Variants in FOXP4 observed in about 807,000 individuals in gnomAD.
The protein encoded by FOXP4 is forkhead box protein P4.
FOXP4 carries 25 observed loss-of-function variants against 82.6 expected under a neutral mutation model. The ratio of observed to expected loss-of-function variants is 0.30; its 90% confidence interval spans 0.22 to 0.42. The LOEUF is 0.42. Ranked by LOEUF, FOXP4 falls within the 10% of genes least tolerant of loss-of-function variation. The pLI, the probability that FOXP4 is intolerant of heterozygous loss-of-function variation, is 1.00. For synonymous variants in FOXP4, 415 were observed against 388.2 expected (o/e 1.07, Z -0.81); for missense variants, 785 against 900.9 (o/e 0.87, Z 1.65).
At chr6:41,563,587 C>T (rs1764710627) in intron 1 of FOXP4, among the ~76,000 whole-genome samples, 1 of 152,142 alleles carries the variant, frequency 6.6e-6, no homozygotes, top group Admixed American at 6.5e-5. Flanking sequence ...GCTTCTATCC[C>T]TCGATGATCT....
At chr6:41,565,275 G>A (rs543513165) in intron 1 of FOXP4, among the ~76,000 whole-genome samples, 2 of 152,254 alleles carry the variant, frequency 1.3e-5, no homozygotes, top group African/African-American at 2.4e-5. Context: ...TAGAAGAATC[G>A]CTCAAACTCG....
At chr6:41,570,163 C>T in intron 2 of FOXP4, 2 of 388,786 alleles carry the variant, frequency 5.1e-6, no homozygotes, top group Non-Finnish European at 5.3e-6. Flanking sequence ...GCCCATTTCT[C>T]TTCAGGACTG....
In FOXP4 at chr6:41,587,455, T is replaced by A. The variant is rs753448087; in HGVS notation, c.815T>A (p.Leu272His). 6.4e-7 allele frequency: 1 copy of A among 1,552,002 alleles called. No homozygotes were observed. The highest frequency in any genetic ancestry group is 8.7e-7 in the Non-Finnish European group (1 of 1,148,458). ...FAAPPKVSPP[L>H]SHHTLPNGQP... ...GCTCCCCCCAAGGTCTCACCCCCCCTCTCCCACCATACCCTGCCCAACGGA... is the reference window on the plus strand; with the variant it reads ...GCTCCCCCCAAGGTCTCACCCCCCCACTCCCACCATACCCTGCCCAACGGA... The change falls in exon 7 of 17, where the codon CTC (leucine) becomes CAC (histidine). Residue 272 changes from leucine (L) to histidine (H), a missense_variant. By Grantham distance (99) the Leu-to-His change is moderately conservative (BLOSUM62 -3). Around this residue, in one of 3 missense-constraint regions of FOXP4, gnomAD observed 570 missense variants for 634.0 expected, o/e 0.90. Coordinates refer to ENST00000307972, the MANE Select transcript of FOXP4 (RefSeq NM_001012426.2).
rs116088820 is a variant in FOXP4 at position 41,582,391 on chromosome 6, A to G, written c.301-2378A>G. Among the ~76,000 whole-genome samples the G allele has an allele frequency of 2.4e-3, 371 of 152,366 alleles. 2 individuals are homozygous for G. Among genetic ancestry groups the G allele is most frequent in the African/African-American group, 8.6e-3 (357 of 41,594 alleles). On this transcript the variant is annotated intron_variant, in intron 3 of 16. Transcript: ENST00000307972. ...AATAAGCAGTCAGCAACGTCTGCTA[A>G]TGATGCAGGGAGGGCAGGTGCCCCA...
intron 2 of FOXP4, chr6:41,570,094 A>ACACG (rs1765109574): frequency 3.4e-6 from 1 of 290,638 alleles, no homozygotes; most frequent in Non-Finnish European, 6.9e-6. Flanking sequence ...ACACACACAC[A>ACACG]CACACACACA....
intron 2 of FOXP4, among the ~76,000 whole-genome samples, chr6:41,568,465 T>C (rs1189542433): frequency 6.6e-6 from 1 of 152,222 alleles, no homozygotes; most frequent in Non-Finnish European, 1.5e-5. Flanking sequence ...ACACAGTCGC[T>C]GTGGGAAATG....
At chr6:41,590,198 G>C in intron 11 of FOXP4, 28 bp downstream of exon 11, 2 of 1,605,954 alleles carry the variant, frequency 1.2e-6, no homozygotes, top group Middle Eastern at 1.7e-4. Context: ...GCTGCAGGGC[G>C]ACAGCAGCGT....
intron 9 of FOXP4, among the ~76,000 whole-genome samples, chr6:41,589,448 G>GC (rs557929479): frequency 1.4e-4 from 22 of 152,150 alleles, no homozygotes; most frequent in Admixed American, 3.9e-4. Flanking sequence ...CACAGTGGCC[G>GC]CCCCCCCGTG....
chr6:41,556,325 G>GTTT (rs11314988), intron 1 of FOXP4, among the ~76,000 whole-genome samples: 1 of 136,926 alleles, frequency 7.3e-6, no homozygotes, highest in South Asian at 2.4e-4. Context: ...CTCTGTGAAT[G>GTTT]TTTTTTTTTT....
chr6:41,576,625 A>C (rs1416638593), intron 2 of FOXP4, among the ~76,000 whole-genome samples: 2 of 152,164 alleles, frequency 1.3e-5, no homozygotes, highest in Non-Finnish European at 2.9e-5. Flanking sequence ...GGAGGAGGTG[A>C]AGTGGAGAAT....
chr6:41,561,166 T>C (rs553532042), intron 1 of FOXP4, among the ~76,000 whole-genome samples: 1 of 152,208 alleles, frequency 6.6e-6, no homozygotes, highest in Non-Finnish European at 1.5e-5. Context: ...TCCGACGGCA[T>C]CTGCAGGAGC....
rs776411263 is a variant in FOXP4 at position 41,593,441 on chromosome 6, C to T, written c.1537-1429C>T. ...CCTCCCAAGGCCCGTGTTGTGGGCC[C>T]GTCCTTTTGTTTACGAAGCCCCTGC... On this transcript the variant is annotated intron_variant, in intron 13 of 16. Coordinates refer to ENST00000307972, the MANE Select transcript of FOXP4 (RefSeq NM_001012426.2). This position sits in a 1 kb window ranked among gnomAD's most constrained non-coding sequence, Gnocchi z 4.1. Among the ~76,000 whole-genome samples the T allele has an allele frequency of 1.3e-5, 2 of 152,172 alleles. No individual in the cohort carries two copies. The highest frequency in any genetic ancestry group is 2.4e-5 in the African/African-American group (1 of 41,442).
At chr6:41,566,874 CCA>C (rs960351033) in intron 2 of FOXP4, among the ~76,000 whole-genome samples, 4 of 152,178 alleles carry the variant, frequency 2.6e-5, no homozygotes, top group African/African-American at 9.7e-5. Context: ...GCTCAGTAGC[CCA>C]CTCCTGCCTC....
At chr6:41,578,212 G>A (rs1305887057) in intron 3 of FOXP4, 131 bp downstream of exon 3, 17 of 718,782 alleles carry the variant, frequency 2.4e-5, no homozygotes, top group Non-Finnish European at 3.9e-5. Flanking sequence ...CTTTTCAAAG[G>A]AAATACAGTC....
intron 1 of FOXP4, among the ~76,000 whole-genome samples, chr6:41,562,058 C>T (rs1475775085): frequency 6.6e-6 from 1 of 152,262 alleles, no homozygotes; most frequent in Non-Finnish European, 1.5e-5. Context: ...AGAGCCTGCT[C>T]ACCCACAGTG....
At chr6:41,569,743 G>T (rs554291653) in intron 2 of FOXP4, among the ~76,000 whole-genome samples, 1 of 152,180 alleles carries the variant, frequency 6.6e-6, no homozygotes, top group African/African-American at 2.4e-5. Flanking sequence ...GGTTGCGGGG[G>T]TGACAGGTCA....
chr6:41,565,969 G>A lies in FOXP4; in HGVS notation c.204+5G>A. On this transcript the variant is annotated splice_donor_5th_base_variant and intron_variant, in intron 2 of 16. Coordinates refer to ENST00000307972, the MANE Select transcript of FOXP4 (RefSeq NM_001012426.2). The stretch of plus-strand genomic sequence containing the variant: ...CTGCACTTCCAGCAGCAACAGGTAG[G>A]AACTGGTGCGCCTTGGGGTATCTGG... 2 of 1,611,468 alleles carry A rather than the reference G, an allele frequency of 1.2e-6. No homozygotes were observed. The highest frequency in any genetic ancestry group is 8.5e-7 in the Non-Finnish European group (1 of 1,178,702).
intron 3 of FOXP4, 27 bp downstream of exon 3, chr6:41,578,108 C>T (rs1046642754): frequency 7.5e-6 from 12 of 1,593,792 alleles, no homozygotes; most frequent in African/African-American, 5.4e-5. Flanking sequence ...CCCGCTGGCT[C>T]TGGGTTGGGC....
rs1767195199 is a variant in FOXP4 at position 41,601,064 on chromosome 6, G to A, written c.*2128G>A. ...ACACCCATTCCCAGGTGTCCTTCCAGGCCCATTGTCCACGTCTTCAAGGGG... is the reference window on the plus strand; with the variant it reads ...ACACCCATTCCCAGGTGTCCTTCCAAGCCCATTGTCCACGTCTTCAAGGGG... On this transcript the variant is annotated 3_prime_UTR_variant, in exon 17 of 17. Coordinates refer to ENST00000307972, the MANE Select transcript of FOXP4 (RefSeq NM_001012426.2). 6.6e-6 allele frequency: 1 copy of A among 152,314 alleles called. No individual in the cohort carries two copies. The highest frequency in any genetic ancestry group is 2.4e-5 in the African/African-American group (1 of 41,448). 9.4% of individuals were successfully genotyped at this position (152,314 alleles called of 1,614,324 possible). A position where few individuals can be genotyped will look rare whatever the true frequency, so the allele number is the denominator to read the frequency against.
Sources: gnomAD v4.1 joint callset for allele counts (sites outside exome capture counted in the v4.1 genomes callset) on GRCh38, gnomAD v4.1.1 for gene constraint, gnomAD v4.1.1 regional missense constraint, Gnocchi (gnomAD v3.1) non-coding constraint, MANE v1.5 for transcripts, NCBI Gene and HGNC (gene_info 2026-07-23, HGNC 2026-07-21) for gene names.